Variants in BLTP3A observed in about 807,000 individuals in gnomAD.
The protein encoded by BLTP3A is bridge-like lipid transfer protein family member 3A.
At chr6:34,823,366 C>T in the BLTP3A span, 2 of 1,597,142 alleles carry the variant, frequency 1.3e-6, no homozygotes, top group Non-Finnish European at 1.7e-6. Context: ...TCTTTGAACC[C>T]TGTTATTTCC....
chr6:34,853,283 C>A, the BLTP3A span, among the ~76,000 whole-genome samples: 1 of 152,104 alleles, frequency 6.6e-6, no homozygotes, highest in Admixed American at 6.5e-5. Flanking sequence ...CTCAGGGGAT[C>A]CTCCTGCCTC....
chr6:34,824,063 T>C, the BLTP3A span, among the ~76,000 whole-genome samples: 1 of 151,716 alleles, frequency 6.6e-6, no homozygotes, highest in Non-Finnish European at 1.5e-5. Flanking sequence ...CACCTCAGTC[T>C]CCCAAGTAGC....
chr6:34,812,415 A>G, the BLTP3A span, among the ~76,000 whole-genome samples: 2 of 152,192 alleles, frequency 1.3e-5, no homozygotes, highest in South Asian at 2.1e-4. Flanking sequence ...ATTGTAAACA[A>G]CAAACAAAAA....
the BLTP3A span, among the ~76,000 whole-genome samples, chr6:34,853,735 A>AT: frequency 6.6e-6 from 1 of 151,604 alleles, no homozygotes; most frequent in East Asian, 2.0e-4. Context: ...TAATTTTTGT[A>AT]TTTTTAGTAG....
the BLTP3A span, among the ~76,000 whole-genome samples, chr6:34,845,501 C>G: frequency 6.6e-6 from 1 of 152,186 alleles, no homozygotes; most frequent in East Asian, 1.9e-4. Context: ...TCACTGCAGC[C>G]TCAACCTCCT....
chr6:34,860,742 G>GT, the BLTP3A span, among the ~76,000 whole-genome samples: 2 of 152,214 alleles, frequency 1.3e-5, no homozygotes, highest in Non-Finnish European at 2.9e-5. Context: ...CACACAACTT[G>GT]TGAGTGGTGG....
At chr6:34,873,651 T>C in the BLTP3A span, 1 of 152,208 alleles carries the variant, frequency 6.6e-6, no homozygotes, top group Non-Finnish European at 1.5e-5. Context: ...TGAAGCTGTG[T>C]TGATTGGACA....
At chr6:34,859,659 C>G in the BLTP3A span, 1 of 1,549,174 alleles carries the variant, frequency 6.5e-7, no homozygotes, top group Admixed American at 1.9e-5. Flanking sequence ...ATGTGCATTT[C>G]TAGATTGGGA....
the BLTP3A span, chr6:34,856,859 A>G: frequency 0.36 from 581,052 of 1,613,382 alleles, 111,132 homozygotes; most frequent in African/African-American, 0.71. Context: ...CCTGCCTTTC[A>G]GCCTCCAGCA....
the BLTP3A span, among the ~76,000 whole-genome samples, chr6:34,850,960 G>A: frequency 6.6e-6 from 1 of 152,108 alleles, no homozygotes; most frequent in African/African-American, 2.4e-5. Flanking sequence ...GGAGCAAAGT[G>A]TTGGGATTAT....
At chr6:34,800,381 C>T in the BLTP3A span, among the ~76,000 whole-genome samples, 1 of 152,056 alleles carries the variant, frequency 6.6e-6, no homozygotes, top group Non-Finnish European at 1.5e-5. Context: ...GCTTTGAAAT[C>T]GGAGAGTTTG....
chr6:34,846,588 G>A, the BLTP3A span, among the ~76,000 whole-genome samples: 1 of 152,284 alleles, frequency 6.6e-6, no homozygotes, highest in South Asian at 2.1e-4. Flanking sequence ...ATATTGAAAT[G>A]CTACTGATTT....
the BLTP3A span, among the ~76,000 whole-genome samples, chr6:34,818,461 C>A: frequency 6.7e-6 from 1 of 149,300 alleles, no homozygotes; most frequent in African/African-American, 2.5e-5. Context: ...AGGGTGAGAT[C>A]CTGTCTCAGA....
chr6:34,822,498 G>A, the BLTP3A span, among the ~76,000 whole-genome samples: 5 of 152,080 alleles, frequency 3.3e-5, no homozygotes, highest in Non-Finnish European at 7.4e-5. Flanking sequence ...CTCAGCCTTC[G>A]AAAGTGCTGG....
At chr6:34,864,225 T>A in the BLTP3A span, 1 of 1,603,382 alleles carries the variant, frequency 6.2e-7, no homozygotes, top group Non-Finnish European at 8.5e-7. Flanking sequence ...CCAGGCAAAG[T>A]TGCAGAAGTC....
chr6:34,867,834 A>G, the BLTP3A span, among the ~76,000 whole-genome samples: 44 of 152,258 alleles, frequency 2.9e-4, no homozygotes, highest in East Asian at 7.9e-3. Context: ...CTAGTCTCCA[A>G]CTTCACTTCC....
the BLTP3A span, chr6:34,792,331 C>T: frequency 2.0e-6 from 3 of 1,505,016 alleles, no homozygotes; most frequent in East Asian, 7.9e-5. Flanking sequence ...CGGTCCTGGG[C>T]CCTTCCTAAC....
chr6:34,855,778 G>C, the BLTP3A span: 8 of 1,599,460 alleles, frequency 5.0e-6, no homozygotes, highest in African/African-American at 1.1e-4. Context: ...ATTCATCCCT[G>C]ACCGCTTAAC....
chr6:34,825,967 C>A, the BLTP3A span, among the ~76,000 whole-genome samples: 3 of 151,018 alleles, frequency 2.0e-5, no homozygotes, highest in African/African-American at 7.3e-5. Context: ...TTAACTTTTT[C>A]AGAAACTGTC....
Sources: allele counts gnomAD v4.1 joint callset (sites outside exome capture counted in the v4.1 genomes callset), GRCh38; gene constraint gnomAD v4.1.1; transcripts MANE v1.5; gene names NCBI Gene and HGNC (gene_info 2026-07-23, HGNC 2026-07-21).